CCDC63: variants seen among roughly 807,000 people sequenced by gnomAD.
CCDC63 encodes coiled-coil domain containing 63, also known as coiled-coil domain-containing protein 63.
CCDC63 carries 54 observed loss-of-function variants against 63.6 expected under a neutral mutation model. That is an observed-to-expected ratio of 0.85 (90% CI 0.68 to 1.07). CCDC63 has a LOEUF of 1.07. Among genes scored for constraint, CCDC63 ranks in the 50% least tolerant of loss-of-function variants. CCDC63 has a pLI of 0.00. For synonymous variants in CCDC63, 253 were observed against 266.1 expected, an observed-to-expected ratio of 0.95 and a Z score of 0.48; for missense variants, 637 against 689.6, an observed-to-expected ratio of 0.92 and a Z score of 0.86.
chr12:110,861,304 C>G (rs1008188609), intron 4 of CCDC63, among the ~76,000 whole-genome samples: 11 of 152,334 alleles, frequency 7.2e-5, no homozygotes, highest in African/African-American at 2.6e-4. Flanking sequence ...CTTTTGTCTG[C>G]TTCAAACCCT....
chr12:110,864,905 A>G (rs1367545411), intron 4 of CCDC63, among the ~76,000 whole-genome samples: 1 of 152,124 alleles, frequency 6.6e-6, no homozygotes, highest in African/African-American at 2.4e-5. Flanking sequence ...TTTTGCTGTC[A>G]GCTATGTTGG....
intron 3 of CCDC63, among the ~76,000 whole-genome samples, chr12:110,858,302 C>T (rs2070805316): frequency 6.6e-6 from 1 of 152,056 alleles, no homozygotes; most frequent in Non-Finnish European, 1.5e-5. Flanking sequence ...TGGGGGTTTC[C>T]TCCATGTCTG....
In CCDC63 at chr12:110,873,966, G is replaced by A. The variant is rs1227764909; in HGVS notation, c.489+5G>A. ...TTGGAAACCCGTTTGAATCTCGTATGTAAAGTGTTCTCTGCAGCTCTGCAA... is the reference window on the plus strand; with the variant it reads ...TTGGAAACCCGTTTGAATCTCGTATATAAAGTGTTCTCTGCAGCTCTGCAA... On this transcript the variant is annotated splice_donor_5th_base_variant and intron_variant, in intron 5 of 11. Transcript: ENST00000308208. The A allele has an allele frequency of 1.9e-6, 3 of 1,609,392 alleles. No individual in the cohort carries two copies. The highest frequency in any genetic ancestry group is 1.1e-5 in the South Asian group (1 of 90,532).
chr12:110,868,710 G>GGGGAGA (rs1361864869), intron 4 of CCDC63, among the ~76,000 whole-genome samples: 5 of 139,796 alleles, frequency 3.6e-5, no homozygotes, highest in South Asian at 2.5e-4. Context: ...GGGAGACCGT[G>GGGGAGA]GGGAGAGGGA....
chr12:110,876,879 C>CAAAA (rs57300765), intron 5 of CCDC63, among the ~76,000 whole-genome samples: 1,296 of 110,932 alleles, frequency 0.012, 15 homozygotes, highest in Non-Finnish European at 0.017. Flanking sequence ...ACTAAAAATA[C>CAAAA]AAAAAAAAAA....
chr12:110,853,515 G>T lies in CCDC63; in HGVS notation c.120G>T (p.Lys40Asn). 6.2e-7 allele frequency: 1 copy of T among 1,614,238 alleles called. No individual in the cohort carries two copies. Among genetic ancestry groups the T allele is most frequent in the Non-Finnish European group, 8.5e-7 (1 of 1,180,050 alleles). ...GGAAGCTAAGGCAGCAGTTCAGGAA[G>T]ATGGTGGAAAGCCGGAAGTCTTTTA... ...ELRKLRQQFRKMVESRKSFKF... is the reference protein window; with the variant it reads ...ELRKLRQQFRNMVESRKSFKF... The change falls in exon 3 of 12, where the codon AAG becomes AAT. Residue 40 changes from lysine (K) to asparagine (N), a missense_variant. By Grantham distance (94) the Lys-to-Asn change is moderately conservative. Transcript: ENST00000308208.
At chr12:110,905,375 C>T (rs998654365) in intron 11 of CCDC63, among the ~76,000 whole-genome samples, 3 of 152,178 alleles carry the variant, frequency 2.0e-5, no homozygotes, top group African/African-American at 7.2e-5. Context: ...GAAACTCACT[C>T]ATCCTCCTCA....
chr12:110,884,363 A>G (rs1159597775), intron 8 of CCDC63, 113 bp downstream of exon 8: 32 of 747,172 alleles, frequency 4.3e-5, no homozygotes, highest in Non-Finnish European at 7.0e-5. Context: ...AGTTTGGCCA[A>G]CACCGCTCTA....
intron 3 of CCDC63, among the ~76,000 whole-genome samples, chr12:110,854,624 G>T (rs1338712044): frequency 1.3e-5 from 2 of 151,874 alleles, no homozygotes; most frequent in Non-Finnish European, 2.9e-5. Context: ...GCAACAGAAA[G>T]GTGTTCCCTG....
At chr12:110,871,432 C>G (rs187700401) in intron 4 of CCDC63, among the ~76,000 whole-genome samples, 1 of 152,108 alleles carries the variant, frequency 6.6e-6, no homozygotes, top group Admixed American at 6.5e-5. Context: ...TGAGCCACTG[C>G]GCCCAGCCAG....
chr12:110,863,196 G>A (rs1197664625), intron 4 of CCDC63, among the ~76,000 whole-genome samples: 1 of 152,136 alleles, frequency 6.6e-6, no homozygotes. Flanking sequence ...AAGTAGAGCG[G>A]GGGCCTGACT....
intron 5 of CCDC63, among the ~76,000 whole-genome samples, chr12:110,875,293 G>C (rs893703199): frequency 6.6e-6 from 1 of 152,168 alleles, no homozygotes; most frequent in Admixed American, 6.5e-5. Context: ...CATCTGCACC[G>C]TTATTAGCAA....
At chr12:110,877,838 T>TG (rs1382843104) in intron 5 of CCDC63, among the ~76,000 whole-genome samples, 1 of 151,594 alleles carries the variant, frequency 6.6e-6, no homozygotes, top group African/African-American at 2.4e-5. Context: ...ACCAAGTAGC[T>TG]GGGGATTACA....
intron 6 of CCDC63, 70 bp from the exon 7 acceptor site, chr12:110,881,045 G>T (rs2071200445): frequency 7.8e-6 from 11 of 1,414,922 alleles, no homozygotes; most frequent in Non-Finnish European, 9.4e-6. Flanking sequence ...AAGGCCTTCT[G>T]GACTGGCAGG....
intron 8 of CCDC63, among the ~76,000 whole-genome samples, chr12:110,887,964 A>G (rs1377478757): frequency 6.6e-6 from 1 of 152,070 alleles, no homozygotes; most frequent in Non-Finnish European, 1.5e-5. Context: ...AGTGGCAGTG[A>G]TTTAAAAACC....
At chr12:110,859,871 C>A (rs992128403) in intron 4 of CCDC63, among the ~76,000 whole-genome samples, 2 of 152,000 alleles carry the variant, frequency 1.3e-5, no homozygotes, top group African/African-American at 4.8e-5. Context: ...TACCCCTTGG[C>A]CCACCTCAGG....
chr12:110,867,274 C>T (rs1310345028), intron 4 of CCDC63, among the ~76,000 whole-genome samples: 2 of 107,986 alleles, frequency 1.9e-5, no homozygotes, highest in African/African-American at 7.5e-5. Flanking sequence ...GGCAGAGGGG[C>T]TCCTCACTTC....
rs754330772 is a variant in CCDC63 at position 110,884,266 on chromosome 12, C to A, written c.1074+16C>A. On this transcript the variant is annotated intron_variant, in intron 8 of 11. Transcript: ENST00000308208. Reference sequence around the variant, plus strand: ...ACGAATCCAGGTCAGGGCGGCTCTGCTTTCCCAGGCCCTGGGCCCCTGTGT... The same window carrying A: ...ACGAATCCAGGTCAGGGCGGCTCTGATTTCCCAGGCCCTGGGCCCCTGTGT... 5.6e-6 allele frequency: 9 copies of A among 1,606,364 alleles called. No individual in the cohort carries two copies. The Admixed American group carries it at 1.5e-4, about 27-fold the overall frequency.
At chr12:110,868,480 G>C (rs1199196714) in intron 4 of CCDC63, among the ~76,000 whole-genome samples, 2 of 150,096 alleles carry the variant, frequency 1.3e-5, no homozygotes, top group African/African-American at 4.9e-5. Context: ...CTGCAATCCC[G>C]GCACCTCGGG....
Sources: allele counts gnomAD v4.1 joint callset (sites outside exome capture counted in the v4.1 genomes callset), GRCh38; gene constraint gnomAD v4.1.1; transcripts MANE v1.5; gene names NCBI Gene and HGNC (gene_info 2026-07-23, HGNC 2026-07-21).